Variants in NMT1 observed in about 807,000 individuals in gnomAD.
The protein encoded by NMT1 is glycylpeptide N-tetradecanoyltransferase 1.
A neutral mutation model predicts 63.4 loss-of-function variants in NMT1; 12 were observed. That is an observed-to-expected ratio of 0.19 (90% CI 0.12 to 0.31). The LOEUF (loss-of-function observed/expected upper bound fraction) is 0.31, where lower values mean the gene tolerates loss of function less well. Among genes scored for constraint, NMT1 ranks in the 10% least tolerant of loss-of-function variants. NMT1 has a pLI of 1.00. For synonymous variants in NMT1, 228 were observed against 234.3 expected (o/e 0.97, Z 0.25); for missense variants, 432 against 634.6 (o/e 0.68, Z 3.43).
chr17:45,068,001 C>T (rs570893972), intron 1 of NMT1, among the ~76,000 whole-genome samples: 1 of 152,296 alleles, frequency 6.6e-6, no homozygotes, highest in East Asian at 1.9e-4. Context: ...GATTTATGAG[C>T]CATACATTTA....
chr17:45,099,240 T>C (rs2054145435), intron 7 of NMT1, among the ~76,000 whole-genome samples, 165 bp from the exon 8 acceptor site: 2 of 152,156 alleles, frequency 1.3e-5, no homozygotes, highest in Admixed American at 6.5e-5. Context: ...TTGGCAGCAC[T>C]CACTGTGGGG....
Position 45,093,674 on chromosome 17 carries a change from T to A in NMT1, c.386-11T>A. ...CAAAGGGTGAGGCTCACAGCTGTGC[T>A]CTTCTTTCAGGCGAAGTGGTGAACA... On this transcript the variant is annotated splice_polypyrimidine_tract_variant and intron_variant, in intron 3 of 11. Coordinates refer to ENST00000258960, the MANE Select transcript of NMT1 (RefSeq NM_021079.5). 1.9e-6 allele frequency: 3 copies of A among 1,612,762 alleles called. No individual in the cohort carries two copies. The highest frequency in any genetic ancestry group is 2.5e-6 in the Non-Finnish European group (3 of 1,178,772).
rs750330678 is a variant in NMT1, at chr17:45,102,952, C to G, written c.995C>G (p.Thr332Ser). ...CCATCTCTTCTGTCTTGCCTCCAGA[C>G]TCCCAAGACAGCTGGGCTGCGACCA... ...RTMKLYRLPETPKTAGLRPME... is the reference protein window; with the variant it reads ...RTMKLYRLPESPKTAGLRPME... Residue 332 changes from threonine to serine, a missense_variant and splice_region_variant, in exon 9 of 12, where the codon ACT (threonine) becomes AGT (serine). Physicochemically the swap from Thr to Ser is moderately conservative, Grantham distance 58. Coordinates refer to ENST00000258960, the MANE Select transcript of NMT1 (RefSeq NM_021079.5). 8.7e-6 allele frequency: 14 copies of G among 1,609,954 alleles called. No homozygotes were observed. The highest frequency in any genetic ancestry group is 3.3e-5 in the Admixed American group (2 of 59,870).
rs2054199992 is a variant in NMT1, at chr17:45,105,861, G to T, written c.*222G>T. 1 of 539,970 alleles carries T rather than the reference G, an allele frequency of 1.9e-6. No homozygotes were observed. Among genetic ancestry groups the T allele is most frequent in the African/African-American group, 2.0e-5 (1 of 50,998 alleles). 33.4% of individuals were successfully genotyped at this position (539,970 alleles called of 1,614,324 possible). ...GTGTCTCTGGTCTCCGTGTTTTCCA[G>T]TTAATTACATCCTCATGCAGCCGTG... is the stretch of plus-strand genomic sequence containing the variant. On this transcript the variant is annotated 3_prime_UTR_variant, in exon 12 of 12. Coordinates refer to ENST00000258960, the MANE Select transcript of NMT1 (RefSeq NM_021079.5). The surrounding 1 kb of genome is among the most constrained non-coding windows in gnomAD (Gnocchi z 4.2).
rs1162366452 is a variant in NMT1 at position 45,107,389 on chromosome 17, G to A, written c.*1750G>A. ...CTGCAGGGCCCTCCCTTTTCCCATTGTTCCTGCGCTGCAAATTGCAGGCCC... is the reference window on the plus strand; with the variant it reads ...CTGCAGGGCCCTCCCTTTTCCCATTATTCCTGCGCTGCAAATTGCAGGCCC... On this transcript the variant is annotated 3_prime_UTR_variant, in exon 12 of 12. Transcript: ENST00000258960. 1 of 152,678 alleles carries A rather than the reference G, an allele frequency of 6.5e-6. No individual in the cohort carries two copies. The highest frequency in any genetic ancestry group is 1.5e-5 in the Non-Finnish European group (1 of 68,058). 9.5% of individuals were successfully genotyped at this position (152,678 alleles called of 1,614,324 possible).
rs2054091816 is a variant in NMT1, at chr17:45,092,016, A to G, written c.386-1669A>G. Reference sequence around the variant, plus strand: ...AGCCTGGGCAACAGAGCAAGACCCCATCTCGCCAGTCATGAGTTTCCTAAC... The same window carrying G: ...AGCCTGGGCAACAGAGCAAGACCCCGTCTCGCCAGTCATGAGTTTCCTAAC... On this transcript the variant is annotated intron_variant, in intron 3 of 11. Transcript: ENST00000258960. Among the ~76,000 whole-genome samples the G allele has an allele frequency of 2.6e-5, 4 of 152,112 alleles. No individual in the cohort carries two copies. The South Asian group carries it at 8.3e-4, about 31-fold the overall frequency.
intron 1 of NMT1, among the ~76,000 whole-genome samples, chr17:45,069,519 C>G (rs115585516): frequency 0.039 from 5,904 of 151,748 alleles, 377 homozygotes; most frequent in African/African-American, 0.13. Context: ...CTTGGAACTC[C>G]TAATCTCGTG....
chr17:45,094,550 T>G (rs1259547478), intron 4 of NMT1, among the ~76,000 whole-genome samples: 3 of 149,916 alleles, frequency 2.0e-5, no homozygotes, highest in Non-Finnish European at 3.0e-5. Context: ...AGTCTCGCTC[T>G]GTTGCCCAGG....
intron 7 of NMT1, chr17:45,098,758 C>A (rs2143514445): frequency 1.9e-6 from 1 of 523,798 alleles, no homozygotes; most frequent in South Asian, 2.7e-5. Context: ...CAAGTCCCTG[C>A]CTTGTCTGGA....
At chr17:45,077,632 C>T (rs926666808) in intron 1 of NMT1, among the ~76,000 whole-genome samples, 1 of 152,186 alleles carries the variant, frequency 6.6e-6, no homozygotes, top group African/African-American at 2.4e-5. Context: ...TCAGGTGATC[C>T]GCCTGCCTTG....
chr17:45,081,322 T>C (rs1407597181), intron 1 of NMT1, among the ~76,000 whole-genome samples: 1 of 152,218 alleles, frequency 6.6e-6, no homozygotes, highest in Non-Finnish European at 1.5e-5. Flanking sequence ...AATGCCTTGT[T>C]AACAATTATC....
chr17:45,101,481 G>T (rs2054165365), intron 8 of NMT1, among the ~76,000 whole-genome samples: 1 of 151,064 alleles, frequency 6.6e-6, no homozygotes, highest in Non-Finnish European at 1.5e-5. Flanking sequence ...AATTAGCTGG[G>T]TGTGGTATGT....
Position 45,081,645 on chromosome 17 carries a change from GGTTTGA to G in NMT1, c.136_141del (p.Leu46_Ser47del). 1 of 1,610,766 alleles carries G rather than the reference GGTTTGA, an allele frequency of 6.2e-7. No individual in the cohort carries two copies. The highest frequency in any genetic ancestry group is 2.2e-5 in the East Asian group (1 of 44,834). On this transcript the variant is annotated inframe_deletion and splice_region_variant, in exon 2 of 12. Transcript: ENST00000258960. The stretch of plus-strand genomic sequence containing the variant: ...ATTAGTATTTACTTTTTGTTACAGT[GGTTTGA>G]GTCCAGCCAATGACACTGGAGCCAA...
At chr17:45,096,634 A>G (rs1437039628) in intron 5 of NMT1, among the ~76,000 whole-genome samples, 6 of 152,244 alleles carry the variant, frequency 3.9e-5, no homozygotes, top group East Asian at 3.8e-4. Context: ...GCTCAGTTGT[A>G]TAGCCTTGCC....
At chr17:45,092,509 C>G (rs2054094986) in intron 3 of NMT1, among the ~76,000 whole-genome samples, 1 of 151,334 alleles carries the variant, frequency 6.6e-6, no homozygotes, top group Admixed American at 6.6e-5. Context: ...ACCAGCCTGG[C>G]CAACATGGTG....
chr17:45,098,301 G>A lies in NMT1; in HGVS notation c.714-81G>A, dbSNP rs148657104. On this transcript the variant is annotated intron_variant, in intron 6 of 11. Transcript: ENST00000258960. ...CCGTGCTGCAGACCTGGTCCTTCTA[G>A]GTGTGGCTGCACGTGCTTGATGGGA... 1.1e-5 allele frequency: 15 copies of A among 1,361,174 alleles called. No homozygotes were observed. The South Asian group carries it at 1.7e-4, about 15-fold the overall frequency. 84.3% of individuals were successfully genotyped at this position (1,361,174 alleles called of 1,614,324 possible). A position where few individuals can be genotyped will look rare whatever the true frequency, so the allele number is the denominator to read the frequency against.
At position 45,097,273 on chromosome 17, in the gene NMT1, C is replaced by A. The variant is rs369806348; in HGVS notation, c.713+29C>A. The A allele has an allele frequency of 3.4e-6, 5 of 1,476,392 alleles. No homozygotes were observed. In the South Asian group the frequency reaches 3.4e-5, roughly 10 times the overall value. The allele number at this position is 1,476,392 out of a possible 1,614,324, so 91.5% of individuals were successfully genotyped here. A position where few individuals can be genotyped will look rare whatever the true frequency, so the allele number is the denominator to read the frequency against. On this transcript the variant is annotated intron_variant, in intron 6 of 11. Coordinates refer to ENST00000258960, the MANE Select transcript of NMT1 (RefSeq NM_021079.5). ...AGCACCTGCACCTACCCCCACCCCC[C>A]ACAACACCGCCATCCTGCTTGGTCT...
At chr17:45,100,200 C>T (rs972850911) in intron 8 of NMT1, among the ~76,000 whole-genome samples, 3 of 152,142 alleles carry the variant, frequency 2.0e-5, no homozygotes, top group Admixed American at 6.5e-5. Flanking sequence ...CTGATTCTCC[C>T]ACCTCAGCCT....
At chr17:45,065,855 G>A (rs1399544793) in intron 1 of NMT1, among the ~76,000 whole-genome samples, 3 of 150,562 alleles carry the variant, frequency 2.0e-5, no homozygotes, top group East Asian at 1.9e-4. Context: ...ATGATAGTTC[G>A]AGCTAACCCT....
Sources: allele counts gnomAD v4.1 joint callset (sites outside exome capture counted in the v4.1 genomes callset), GRCh38; gene constraint gnomAD v4.1.1; non-coding constraint Gnocchi (gnomAD v3.1); transcripts MANE v1.5; gene names NCBI Gene and HGNC (gene_info 2026-07-23, HGNC 2026-07-21).